Variants in SYT14 observed in about 807,000 individuals in gnomAD.
SYT14 encodes the protein synaptotagmin-14.
A neutral mutation model predicts 74.2 loss-of-function variants in SYT14; 32 were observed. That is an observed-to-expected ratio of 0.43 (90% confidence interval 0.33 to 0.58). The LOEUF (loss-of-function observed/expected upper bound fraction) is 0.58. Ranked by LOEUF, SYT14 falls within the 20% of genes least tolerant of loss-of-function variation. The pLI is 0.05. For missense variants in SYT14, 791 were observed against 981.8 expected (o/e 0.81, Z 2.60); for synonymous variants, 298 against 337.7 (o/e 0.88, Z 1.29).
At chr1:210,143,269 G>A (rs2082956770) in intron 7 of SYT14, among the ~76,000 whole-genome samples, 1 of 152,158 alleles carries the variant, frequency 6.6e-6, no homozygotes, top group Non-Finnish European at 1.5e-5. Context: ...CCATTCTAAT[G>A]TAGGGAAATA....
intron 5 of SYT14, among the ~76,000 whole-genome samples, chr1:210,067,659 C>A (rs138299447): frequency 6.6e-6 from 1 of 151,890 alleles, no homozygotes; most frequent in African/African-American, 2.4e-5. Context: ...AATTTACCCT[C>A]CCATTAACAG....
At chr1:210,061,256 T>C (rs1013714322) in intron 5 of SYT14, among the ~76,000 whole-genome samples, 1 of 152,008 alleles carries the variant, frequency 6.6e-6, no homozygotes, top group Non-Finnish European at 1.5e-5. Context: ...ATTTTCATAA[T>C]TGAGTTGGGT....
At chr1:210,094,277 T>A (rs2081929190) in intron 5 of SYT14, 45 bp from the exon 5 acceptor site, 1 of 1,613,312 alleles carries the variant, frequency 6.2e-7, no homozygotes, top group East Asian at 2.2e-5. Context: ...ATACTGTGTG[T>A]TGAGGCTAAT....
At chr1:210,040,372 G>T (rs985548528) in intron 5 of SYT14, among the ~76,000 whole-genome samples, 23 of 152,082 alleles carry the variant, frequency 1.5e-4, no homozygotes, top group Non-Finnish European at 2.5e-4. Context: ...CTGTCGGGGG[G>T]TGAGGGGCTA....
At chr1:210,156,955 A>G (rs1244176869) in intron 8 of SYT14, 8 of 287,812 alleles carry the variant, frequency 2.8e-5, no homozygotes, top group Admixed American at 1.8e-4. Flanking sequence ...CGGCCTCCCA[A>G]AGTGCTGGGA....
intron 2 of SYT14, 50 bp from the exon 3 acceptor site, chr1:210,013,583 T>A: frequency 6.4e-7 from 1 of 1,559,694 alleles, no homozygotes; most frequent in Non-Finnish European, 8.7e-7. Flanking sequence ...TTCTTATTTG[T>A]AGCTTAAAGA....
chr1:210,010,945 CAGTG>C (rs1330707643), intron 2 of SYT14, among the ~76,000 whole-genome samples: 1 of 152,146 alleles, frequency 6.6e-6, no homozygotes, highest in African/African-American at 2.4e-5. Flanking sequence ...GTGCTTAAAA[CAGTG>C]AGTGGTGTAT....
intron 5 of SYT14, among the ~76,000 whole-genome samples, chr1:210,067,160 C>T (rs1358315349): frequency 6.6e-6 from 1 of 152,052 alleles, no homozygotes; most frequent in Non-Finnish European, 1.5e-5. Context: ...ATCTACGTGT[C>T]TGTCCTCTTG....
intron 7 of SYT14, among the ~76,000 whole-genome samples, chr1:210,130,920 C>A (rs567562880): frequency 9.2e-5 from 14 of 152,078 alleles, no homozygotes; most frequent in Admixed American, 7.2e-4. Flanking sequence ...TTATATTTGT[C>A]GGTAACTTAT....
At chr1:210,100,525 TAA>T in intron 7 of SYT14, 64 bp downstream of exon 6, 2 of 1,506,270 alleles carry the variant, frequency 1.3e-6, no homozygotes, top group South Asian at 2.3e-5. Context: ...TGCACAATTT[TAA>T]AAATCTTTAA....
At chr1:210,057,154 A>G (rs1020033992) in intron 5 of SYT14, among the ~76,000 whole-genome samples, 5 of 152,110 alleles carry the variant, frequency 3.3e-5, no homozygotes, top group African/African-American at 4.8e-5. Flanking sequence ...CCCAGTTGAT[A>G]TTGATAATTG....
intron 5 of SYT14, among the ~76,000 whole-genome samples, chr1:210,068,021 C>A (rs951358589): frequency 1.3e-5 from 2 of 151,740 alleles, no homozygotes; most frequent in Non-Finnish European, 3.0e-5. Context: ...CCTCTTGTTT[C>A]TGTTTTAAAG....
At chr1:209,944,378 GTAATT>G (rs2078787599) in intron 1 of SYT14, among the ~76,000 whole-genome samples, 1 of 152,196 alleles carries the variant, frequency 6.6e-6, no homozygotes, top group Non-Finnish European at 1.5e-5. Flanking sequence ...TTTGTGAACA[GTAATT>G]TAATTTTATA....
intron 5 of SYT14, among the ~76,000 whole-genome samples, chr1:210,041,879 GTAGA>G (rs1488278767): frequency 6.6e-6 from 1 of 152,050 alleles, no homozygotes; most frequent in Non-Finnish European, 1.5e-5. Context: ...GCTGCCCTAG[GTAGA>G]TAGAGTCTTG....
intron 2 of SYT14, among the ~76,000 whole-genome samples, chr1:209,974,243 T>C (rs2079314914): frequency 6.6e-6 from 1 of 152,200 alleles, no homozygotes; most frequent in African/African-American, 2.4e-5. Flanking sequence ...ATTTTGGCTT[T>C]TGTTACCATT....
At chr1:209,995,511 A>G (rs1003016457) in intron 2 of SYT14, among the ~76,000 whole-genome samples, 6 of 152,310 alleles carry the variant, frequency 3.9e-5, no homozygotes, top group Non-Finnish European at 8.8e-5. Flanking sequence ...CTACGAAAAG[A>G]CATATAGACA....
chr1:209,985,425 G>A (rs184010702), intron 2 of SYT14, among the ~76,000 whole-genome samples: 1 of 152,340 alleles, frequency 6.6e-6, no homozygotes. Context: ...TCAAGGGGTG[G>A]GCTCCCAATG....
intron 1 of SYT14, among the ~76,000 whole-genome samples, chr1:209,942,000 A>G (rs2078738206): frequency 6.6e-6 from 1 of 152,200 alleles, no homozygotes; most frequent in Non-Finnish European, 1.5e-5. Flanking sequence ...ATGACAAGAA[A>G]AAAAGTCTGT....
intron 7 of SYT14, among the ~76,000 whole-genome samples, chr1:210,116,712 A>G (rs2082368658): frequency 6.6e-6 from 1 of 152,146 alleles, no homozygotes; most frequent in Admixed American, 6.5e-5. Context: ...TGTTTTATTT[A>G]TATGGTATTT....
Sources: gnomAD v4.1 joint callset for allele counts (sites outside exome capture counted in the v4.1 genomes callset) on GRCh38, gnomAD v4.1.1 for gene constraint, MANE v1.5 for transcripts, NCBI Gene and HGNC (gene_info 2026-07-23, HGNC 2026-07-21) for gene names.